The following PHF2 variants were observed in gnomAD, a reference collection of about 807,000 sequenced individuals.
The protein encoded by PHF2 is lysine-specific demethylase PHF2.
PHF2 carries 27 observed loss-of-function variants against 120.5 expected under a neutral mutation model. The ratio of observed to expected loss-of-function variants is 0.22; its 90% CI spans 0.17 to 0.31. The LOEUF is 0.31. Ranked by LOEUF, PHF2 falls within the 10% of genes least tolerant of loss-of-function variation. The pLI is 1.00. For synonymous variants in PHF2, 568 were observed against 592.5 expected, an observed-to-expected ratio of 0.96 and a Z score of 0.60; for missense variants, 1,024 against 1,434.8, an observed-to-expected ratio of 0.71 and a Z score of 4.63.
At chr9:93,616,632 A>C (rs117916481) in intron 1 of PHF2, among the ~76,000 whole-genome samples, 2,153 of 148,786 alleles carry the variant, frequency 0.014, 58 homozygotes, top group East Asian at 0.09. Flanking sequence ...TCTTTTTTTT[A>C]TTTGATGTTT....
At chr9:93,595,730 T>C (rs1356642796) in intron 1 of PHF2, among the ~76,000 whole-genome samples, 2 of 152,260 alleles carry the variant, frequency 1.3e-5, no homozygotes, top group Non-Finnish European at 2.9e-5. Context: ...CAGGTAAATA[T>C]GTGCGTAACC....
chr9:93,580,981 C>T (rs1409414392), intron 1 of PHF2, among the ~76,000 whole-genome samples: 2 of 152,062 alleles, frequency 1.3e-5, no homozygotes, highest in Admixed American at 1.3e-4. Context: ...TGACTGTCAC[C>T]CTGCCTGTGT....
intron 1 of PHF2, among the ~76,000 whole-genome samples, chr9:93,596,131 G>T (rs960372212): frequency 6.6e-6 from 1 of 152,132 alleles, no homozygotes; most frequent in Non-Finnish European, 1.5e-5. Flanking sequence ...GAGGCAGGCC[G>T]CATGGAGTGG....
At chr9:93,598,654 G>T (rs118085374) in intron 1 of PHF2, among the ~76,000 whole-genome samples, 3,769 of 152,270 alleles carry the variant, frequency 0.025, 111 homozygotes, top group East Asian at 0.11. Context: ...CACCCTGGCA[G>T]GCCCCACTGA....
rs1426472200 is a variant in PHF2 at position 93,676,730 on chromosome 9, C to T, written c.2969C>T (p.Ser990Phe). ...STTPASTTPA[S>F]TTPASTSTAS... ...ACGCCAGCCTCTACCACCCCGGCCT[C>T]CACCACCCCGGCCTCCACCAGCACG... is the stretch of plus-strand genomic sequence containing the variant. The change falls in exon 21 of 22, where the codon TCC (serine) becomes TTC (phenylalanine). Residue 990 changes from serine to phenylalanine, a missense_variant. Coordinates refer to ENST00000359246, the MANE Select transcript of PHF2 (RefSeq NM_005392.4). The T allele has an allele frequency of 6.4e-6, 10 of 1,557,802 alleles. No individual in the cohort carries two copies. In the African/African-American group the frequency reaches 1.4e-4, roughly 21 times the overall value.
chr9:93,629,737 A>G (rs7865712), intron 1 of PHF2, among the ~76,000 whole-genome samples: 87,442 of 152,054 alleles, frequency 0.58, 25,788 homozygotes, highest in South Asian at 0.77. Flanking sequence ...ATGGTGGGGC[A>G]TATCCAGACG....
intron 5 of PHF2, among the ~76,000 whole-genome samples, chr9:93,649,970 GAC>G (rs972311393): frequency 1.1e-4 from 16 of 151,580 alleles, no homozygotes; most frequent in South Asian, 2.1e-4. Flanking sequence ...GGACACACAT[GAC>G]ACACACTCAG....
intron 1 of PHF2, among the ~76,000 whole-genome samples, chr9:93,580,793 C>T (rs1340887831): frequency 2.0e-5 from 3 of 152,148 alleles, no homozygotes; most frequent in African/African-American, 7.2e-5. Context: ...TCAGAGCTGG[C>T]TGTGAGGGCC....
intron 1 of PHF2, among the ~76,000 whole-genome samples, chr9:93,618,150 T>C: frequency 6.6e-6 from 1 of 152,232 alleles, no homozygotes; most frequent in East Asian, 1.9e-4. Context: ...TTGACTCAGT[T>C]TGGGGAAGCT....
intron 1 of PHF2, among the ~76,000 whole-genome samples, chr9:93,577,656 C>T (rs1862853490): frequency 1.3e-5 from 2 of 152,192 alleles, no homozygotes; most frequent in African/African-American, 2.4e-5. Flanking sequence ...TCTCCGTTCC[C>T]GGCAGGAACG....
At chr9:93,583,162 A>G (rs1862965807) in intron 1 of PHF2, among the ~76,000 whole-genome samples, 2 of 152,246 alleles carry the variant, frequency 1.3e-5, no homozygotes, top group Non-Finnish European at 2.9e-5. Flanking sequence ...ATAGAATCAT[A>G]CAATATGTAA....
At chr9:93,631,577 CG>C (rs1826002662) in intron 2 of PHF2, among the ~76,000 whole-genome samples, 2 of 152,210 alleles carry the variant, frequency 1.3e-5, no homozygotes. Flanking sequence ...TTCAGCCCAG[CG>C]GGGCATCCTC....
intron 2 of PHF2, among the ~76,000 whole-genome samples, chr9:93,633,734 G>A (rs2001587): frequency 0.021 from 3,173 of 152,308 alleles, 44 homozygotes; most frequent in Middle Eastern, 0.044. Context: ...GTAGCCGGGG[G>A]CCCCTGGCCT....
chr9:93,640,739 A>G (rs1411619617), intron 3 of PHF2, among the ~76,000 whole-genome samples: 3 of 152,184 alleles, frequency 2.0e-5, no homozygotes, highest in Non-Finnish European at 4.4e-5. Context: ...TTCAGACTAC[A>G]GTTTTTCTTG....
At chr9:93,655,458 A>C (rs1334667161) in intron 7 of PHF2, among the ~76,000 whole-genome samples, 1 of 152,126 alleles carries the variant, frequency 6.6e-6, no homozygotes, top group Non-Finnish European at 1.5e-5. Flanking sequence ...TCTGTCTCCG[A>C]GGATAACCTG....
At chr9:93,643,904 C>T (rs906240399) in intron 3 of PHF2, among the ~76,000 whole-genome samples, 8 of 152,144 alleles carry the variant, frequency 5.3e-5, no homozygotes, top group Non-Finnish European at 7.4e-5. Context: ...TTCCTGTTCC[C>T]TCCCACTTTC....
intron 14 of PHF2, 88 bp from the exon 15 acceptor site, chr9:93,665,598 C>T: frequency 7.0e-7 from 1 of 1,437,634 alleles, no homozygotes; most frequent in African/African-American, 1.4e-5. Context: ...CCTGCCGCGG[C>T]CCTGGCAGAG....
intron 18 of PHF2, among the ~76,000 whole-genome samples, chr9:93,674,530 C>T (rs1389544728): frequency 7.2e-5 from 11 of 152,312 alleles, no homozygotes; most frequent in Admixed American, 6.5e-4. Context: ...CCCATCCTTC[C>T]CTGGTTCCCC....
chr9:93,610,147 T>C (rs759348574), intron 1 of PHF2, among the ~76,000 whole-genome samples: 6 of 152,238 alleles, frequency 3.9e-5, no homozygotes, highest in Non-Finnish European at 7.3e-5. Flanking sequence ...CTTGCTGTTA[T>C]TAATTTTGGA....
Sources: allele counts gnomAD v4.1 joint callset (sites outside exome capture counted in the v4.1 genomes callset), GRCh38; gene constraint gnomAD v4.1.1; transcripts MANE v1.5; gene names NCBI Gene and HGNC (gene_info 2026-07-23, HGNC 2026-07-21).